OPTN: variants seen among roughly 807,000 people sequenced by gnomAD.
OPTN encodes optineurin.
A neutral mutation model predicts 70.4 loss-of-function variants in OPTN; 54 were observed. That is an observed-to-expected ratio of 0.77 (90% CI 0.62 to 0.96). The LOEUF (loss-of-function observed/expected upper bound fraction) is 0.96. Among genes scored for constraint, OPTN ranks in the 40% least tolerant of loss-of-function variants. The pLI is 0.00. For missense variants in OPTN, 624 were observed against 673.2 expected (o/e 0.93, Z 0.81); for synonymous variants, 256 against 248.5 (o/e 1.03, Z -0.28).
chr10:13,136,088 G>A (rs1011882702), intron 14 of OPTN, among the ~76,000 whole-genome samples: 7 of 152,054 alleles, frequency 4.6e-5, no homozygotes, highest in Non-Finnish European at 5.9e-5. Context: ...TCAGGAGGCC[G>A]AGGCAGGAGG....
At chr10:13,109,013 G>A (rs1477660199) in intron 2 of OPTN, 99 bp from the exon 3 acceptor site, 1 of 1,074,582 alleles carries the variant, frequency 9.3e-7, no homozygotes. Flanking sequence ...GGCAACTTTT[G>A]GAGTAAGTAT....
chr10:13,135,842 T>C (rs1303081116), intron 14 of OPTN, among the ~76,000 whole-genome samples: 1 of 152,186 alleles, frequency 6.6e-6, no homozygotes, highest in Non-Finnish European at 1.5e-5. Flanking sequence ...ACATGCATTG[T>C]CCTGTACCTA....
intron 6 of OPTN, 52 bp downstream of exon 6, chr10:13,116,392 C>A: frequency 7.7e-7 from 1 of 1,298,120 alleles, no homozygotes; most frequent in Non-Finnish European, 1.1e-6. Context: ...GCAGGCTCGT[C>A]ACTGGGTGCT....
chr10:13,117,079 T>TC (rs1296860062), intron 6 of OPTN, among the ~76,000 whole-genome samples: 10 of 84,194 alleles, frequency 1.2e-4, no homozygotes, highest in Non-Finnish European at 2.2e-4. Flanking sequence ...TCTAAGGATC[T>TC]CTTTTTTTTT....
At chr10:13,112,404 C>A in intron 4 of OPTN, 49 bp from the exon 5 acceptor site, 1 of 1,577,348 alleles carries the variant, frequency 6.3e-7, no homozygotes, top group Non-Finnish European at 8.7e-7. Context: ...CCCATGGTGC[C>A]CAGCCTTAGT....
intron 1 of OPTN, among the ~76,000 whole-genome samples, chr10:13,107,165 A>G (rs1490167570): frequency 6.6e-6 from 1 of 151,972 alleles, no homozygotes; most frequent in African/African-American, 2.4e-5. Context: ...ACCTGAAGTC[A>G]GGAGTTCGAG....
Position 13,124,075 on chromosome 10 carries a change from C to G in OPTN, c.963C>G (p.Ser321Arg). Reference protein sequence around the residue: ...KELQEAHTKLSEAELMKKRLQ... With the variant: ...KELQEAHTKLREAELMKKRLQ... ...TTCAAGAGGCTCATACAAAACTCAGCGAAGCTGAGCTAATGAAGAAGAGAC... is the reference window on the plus strand; with the variant it reads ...TTCAAGAGGCTCATACAAAACTCAGGGAAGCTGAGCTAATGAAGAAGAGAC... The change falls in exon 9 of 15, where the codon AGC (serine) becomes AGG (arginine). Residue 321 changes from serine to arginine, a missense_variant. Transcript: ENST00000378747. 6.2e-7 allele frequency: 1 copy of G among 1,612,534 alleles called. No homozygotes were observed. The highest frequency in any genetic ancestry group is 8.5e-7 in the Non-Finnish European group (1 of 1,178,892).
At chr10:13,109,853 A>AC (rs1554768326) in intron 3 of OPTN, among the ~76,000 whole-genome samples, 1 of 139,268 alleles carries the variant, frequency 7.2e-6, no homozygotes, top group African/African-American at 2.6e-5. Context: ...AAAAAAAAAA[A>AC]GGAAAAAGGA....
Position 13,122,714 on chromosome 10 carries a change from G to T in OPTN, c.882+227G>T, listed in dbSNP as rs891088448. 1.7e-5 allele frequency: 8 copies of T among 470,198 alleles called. No individual in the cohort carries two copies. The Admixed American group carries it at 2.4e-4, about 14-fold the overall frequency. The allele number at this position is 470,198 out of a possible 1,614,324, so 29.1% of individuals were successfully genotyped here. A position where few individuals can be genotyped will look rare whatever the true frequency, so the allele number is the denominator to read the frequency against. ...GTTGTTGGAGATGGAGTCTCACTCT[G>T]TCGCCAGGCTGGAGTGCAGTGGCAC... On this transcript the variant is annotated intron_variant, in intron 8 of 14. Transcript: ENST00000378747.
At chr10:13,136,604 G>A in intron 14 of OPTN, 141 bp from the exon 15 acceptor site, 1 of 884,342 alleles carries the variant, frequency 1.1e-6, no homozygotes, top group Non-Finnish European at 1.8e-6. Context: ...TTCAGTTAAA[G>A]ACCAAACACC....
At chr10:13,115,225 A>ATC (rs1232764268) in intron 5 of OPTN, among the ~76,000 whole-genome samples, 1 of 12,002 alleles carries the variant, frequency 8.3e-5, no homozygotes, top group African/African-American at 1.8e-4. Flanking sequence ...ATATATTTAT[A>ATC]TATAGATATA....
intron 4 of OPTN, among the ~76,000 whole-genome samples, chr10:13,111,793 A>G (rs114566182): frequency 1.4e-3 from 206 of 150,732 alleles, no homozygotes; most frequent in African/African-American, 4.9e-3. Flanking sequence ...TGTGGGGGCA[A>G]TTGAGTCTCA....
At position 13,100,251 on chromosome 10, in the gene OPTN, G is replaced by C. The variant is rs11548142; in HGVS notation, c.-215G>C. On this transcript the variant is annotated 5_prime_UTR_variant, in exon 1 of 15. Transcript: ENST00000378747. ...TCCCGGTCGGGAGTTCTCTCCAGGC[G>C]GCACGATGCCGAGGAAACAGTGACC... 1.3e-5 allele frequency: 2 copies of C among 152,828 alleles called. No homozygotes were observed. Among genetic ancestry groups the C allele is most frequent in the Non-Finnish European group, 1.5e-5 (1 of 68,306 alleles). The allele number at this position is 152,828 out of a possible 1,614,324, so 9.5% of individuals were successfully genotyped here.
chr10:13,120,298 T>C (rs1833318168), intron 7 of OPTN, among the ~76,000 whole-genome samples: 1 of 152,200 alleles, frequency 6.6e-6, no homozygotes, highest in South Asian at 2.1e-4. Context: ...GATCTGCAAC[T>C]ATTTTCTCCC....
chr10:13,131,978 G>T (rs1833601864), intron 12 of OPTN, 89 bp from the exon 13 acceptor site: 1 of 1,331,160 alleles, frequency 7.5e-7, no homozygotes, highest in Non-Finnish European at 1.1e-6. Context: ...GCTATTGAAG[G>T]ATACAGCACT....
intron 5 of OPTN, among the ~76,000 whole-genome samples, chr10:13,115,236 T>G (rs1394187963): frequency 1.2e-5 from 1 of 86,924 alleles, no homozygotes; most frequent in East Asian, 3.3e-4. Flanking sequence ...TATAGATATA[T>G]CTATATATAT....
At chr10:13,130,299 C>A (rs1021397125) in intron 12 of OPTN, among the ~76,000 whole-genome samples, 3 of 151,730 alleles carry the variant, frequency 2.0e-5, no homozygotes, top group African/African-American at 7.3e-5. Context: ...TTGGCGGGCA[C>A]CTGTAGTCCC....
intron 5 of OPTN, among the ~76,000 whole-genome samples, chr10:13,116,003 C>A (rs1201318697): frequency 6.6e-6 from 1 of 152,094 alleles, no homozygotes; most frequent in Non-Finnish European, 1.5e-5. Context: ...TTTACAGAGT[C>A]AGGTAGAATG....
chr10:13,112,789 A>C (rs767052034), intron 5 of OPTN, among the ~76,000 whole-genome samples, 154 bp downstream of exon 5: 5 of 152,206 alleles, frequency 3.3e-5, no homozygotes, highest in Non-Finnish European at 7.4e-5. Flanking sequence ...TAAGTATAGC[A>C]TAATGCATGT....
Sources: allele counts gnomAD v4.1 joint callset (sites outside exome capture counted in the v4.1 genomes callset), GRCh38; gene constraint gnomAD v4.1.1; transcripts MANE v1.5; gene names NCBI Gene and HGNC (gene_info 2026-07-23, HGNC 2026-07-21).